Variants in ABL2 observed in about 807,000 individuals in gnomAD.
The protein encoded by ABL2 is ABL proto-oncogene 2, non-receptor tyrosine kinase, also known as tyrosine-protein kinase ABL2.
A neutral mutation model predicts 107.7 loss-of-function variants in ABL2; 49 were observed. The ratio of observed to expected loss-of-function variants is 0.45; its 90% CI spans 0.36 to 0.58. ABL2 has a LOEUF of 0.58. Among genes scored for constraint, ABL2 ranks in the 20% least tolerant of loss-of-function variants. The pLI is 0.00. For missense variants in ABL2, 1,245 were observed against 1,457.0 expected (o/e 0.85, Z 2.37); for synonymous variants, 549 against 548.6 (o/e 1.00, Z -0.01).
At position 179,103,896 on chromosome 1, in the gene ABL2, T is replaced by C. The variant is rs1158419366; in HGVS notation, c.*3822A>G. The C allele has an allele frequency of 4.3e-6, 1 of 232,332 alleles. No homozygotes were observed. The highest frequency in any genetic ancestry group is 8.5e-6 in the Non-Finnish European group (1 of 117,226). The allele number at this position is 232,332 out of a possible 1,614,324, so 14.4% of individuals were successfully genotyped here. A position where few individuals can be genotyped will look rare whatever the true frequency, so the allele number is the denominator to read the frequency against. On this transcript the variant is annotated 3_prime_UTR_variant, in exon 12 of 12. Transcript: ENST00000502732. The stretch of plus-strand genomic sequence containing the variant: ...TAACCATCTTCTGCTAGTTTCTTAA[T>C]CTATAAACCAAAGGGTTGGGGTACT...
chr1:179,157,368 G>C (rs1248373280), intron 1 of ABL2, among the ~76,000 whole-genome samples: 1 of 151,936 alleles, frequency 6.6e-6, no homozygotes, highest in African/African-American at 2.4e-5. Context: ...CCGATGGCGT[G>C]TGCCTATAAT....
intron 1 of ABL2, among the ~76,000 whole-genome samples, chr1:179,226,163 C>T (rs922941491): frequency 2.7e-5 from 4 of 150,732 alleles, no homozygotes; most frequent in East Asian, 3.9e-4. Context: ...TTTGCTAATT[C>T]CTTTCTTTTC....
rs769737776 is a variant in ABL2 at position 179,109,403 on chromosome 1, C to T, written c.1864G>A (p.Ala622Thr). The T allele has an allele frequency of 8.7e-6, 14 of 1,613,784 alleles. No homozygotes were observed. The Admixed American group carries it at 2.2e-4, about 25-fold the overall frequency. The change falls in exon 12 of 12, where the codon GCA becomes ACA. Residue 622 changes from alanine (A) to threonine (T), a missense_variant. This residue lies in a region of ABL2 where 761 missense variants were observed against 766.4 expected (regional missense o/e 0.99). Transcript: ENST00000502732. ...RGAQASSGSP[A>T]LPRKQRDKSP... is the part of the protein sequence containing the mutation. ...TTGTCTCTTTGCTTTCGAGGCAGTG[C>T]TGGGGATCCACTAGAGGCCTGTGCA...
At chr1:179,119,542 AC>A (rs1341464154) in intron 6 of ABL2, among the ~76,000 whole-genome samples, 4 of 119,808 alleles carry the variant, frequency 3.3e-5, no homozygotes, top group Admixed American at 9.1e-5. Context: ...CACCCCCCAC[AC>A]CCCCCCAAAA....
At chr1:179,173,557 G>A (rs1281760615) in intron 1 of ABL2, among the ~76,000 whole-genome samples, 2 of 151,740 alleles carry the variant, frequency 1.3e-5, no homozygotes, top group Non-Finnish European at 2.9e-5. Context: ...TCACCATGTT[G>A]GCCAGGATAG....
chr1:179,133,377 A>T lies in ABL2; in HGVS notation c.158-3T>A. The T allele has an allele frequency of 6.2e-7, 1 of 1,614,122 alleles. No homozygotes were observed. Among genetic ancestry groups the T allele is most frequent in the Non-Finnish European group, 8.5e-7 (1 of 1,180,008 alleles). ...CTCCACACAGCTGGCAAAGTGATCTATTTAAGAAAAAAATTGACCACGTCA... is the reference window on the plus strand; with the variant it reads ...CTCCACACAGCTGGCAAAGTGATCTTTTTAAGAAAAAAATTGACCACGTCA... On this transcript the variant is annotated splice_region_variant and splice_polypyrimidine_tract_variant and intron_variant, in intron 1 of 11. Transcript: ENST00000502732.
chr1:179,138,348 C>T (rs142697278), intron 1 of ABL2, among the ~76,000 whole-genome samples: 2,284 of 152,278 alleles, frequency 0.015, 71 homozygotes, highest in African/African-American at 0.051. Flanking sequence ...ATCCACCTGC[C>T]TTGGCCTCCC....
chr1:179,188,857 T>C (rs1202063364), intron 1 of ABL2, among the ~76,000 whole-genome samples: 2 of 152,200 alleles, frequency 1.3e-5, no homozygotes, highest in African/African-American at 4.8e-5. Context: ...AAATAATAAA[T>C]GTTAAAAGTA....
At chr1:179,164,045 G>C (rs189613867) in intron 1 of ABL2, among the ~76,000 whole-genome samples, 43 of 152,306 alleles carry the variant, frequency 2.8e-4, no homozygotes, top group Admixed American at 1.8e-3. Context: ...GGGATTAAAG[G>C]GGGGGAATAT....
chr1:179,131,527 C>G, intron 2 of ABL2, 46 bp from the exon 3 acceptor site: 1 of 1,583,454 alleles, frequency 6.3e-7, no homozygotes, highest in Non-Finnish European at 8.7e-7. Context: ...AGTTCAACAG[C>G]GAAACATTTG....
Position 179,110,362 on chromosome 1 carries a change from A to G in ABL2, c.1745T>C (p.Leu582Pro), listed in dbSNP as rs1653930038. 2.5e-6 allele frequency: 4 copies of G among 1,614,052 alleles called. No individual in the cohort carries two copies. In the East Asian group the frequency reaches 8.9e-5, roughly 36 times the overall value. The change falls in exon 11 of 12, where the codon CTG becomes CCG. Residue 582 changes from leucine to proline, a missense_variant. Leu to Pro is a moderately conservative substitution (Grantham distance 98). This residue lies in a region of ABL2 where 761 missense variants were observed against 766.4 expected (regional missense o/e 0.99). Transcript: ENST00000502732. ...LPILPSKTRTLKKQVENKENI... is the reference protein window; with the variant it reads ...LPILPSKTRTPKKQVENKENI... ...CTCCTTGTTCTCCACCTGTTTCTTC[A>G]GTGTCCGAGTCTTGGAAGGAAGTAT...
chr1:179,197,986 A>C (rs1034121177), intron 1 of ABL2, among the ~76,000 whole-genome samples: 1 of 151,856 alleles, frequency 6.6e-6, no homozygotes, highest in South Asian at 2.1e-4. Context: ...GAAGCCTGGG[A>C]AACATGGTGA....
intron 1 of ABL2, among the ~76,000 whole-genome samples, chr1:179,148,606 T>A (rs1187963945): frequency 6.6e-6 from 1 of 152,096 alleles, no homozygotes; most frequent in Non-Finnish European, 1.5e-5. Flanking sequence ...ACAACAATAC[T>A]GAAATTAGGC....
At chr1:179,200,606 C>T (rs956029180) in intron 1 of ABL2, among the ~76,000 whole-genome samples, 12 of 152,166 alleles carry the variant, frequency 7.9e-5, no homozygotes, top group African/African-American at 2.7e-4. Context: ...ATGCTACCTA[C>T]CCATTGAAAG....
rs139513356 is a variant in ABL2 at position 179,125,477 on chromosome 1, T to C, written c.687+900A>G. On this transcript the variant is annotated intron_variant, in intron 4 of 11. Transcript: ENST00000502732. ...TATGCACTCATTTCTATTAGGTAAA[T>C]AACTAGAACTGCTAAGTCACTCTTA... 1.4e-3 allele frequency among the ~76,000 whole-genome samples: 213 copies of C among 152,350 alleles called. 1 individual carries two copies. The highest frequency in any genetic ancestry group is 5.0e-3 in the African/African-American group (206 of 41,584).
At chr1:179,194,624 G>A (rs1353110370) in intron 1 of ABL2, among the ~76,000 whole-genome samples, 3 of 151,996 alleles carry the variant, frequency 2.0e-5, no homozygotes, top group Admixed American at 6.6e-5. Flanking sequence ...AGAATACAAG[G>A]GCTCCAGCTA....
chr1:179,109,176 A>C lies in ABL2; in HGVS notation c.2091T>G (p.His697Gln). The change falls in exon 12 of 12, where the codon CAT becomes CAG. Residue 697 changes from histidine to glutamine, a missense_variant. Physicochemically the swap from His to Gln is conservative, Grantham distance 24. Around this residue, in one of 3 missense-constraint regions of ABL2, gnomAD observed 761 missense variants for 766.4 expected, o/e 0.99. Coordinates refer to ENST00000502732, the MANE Select transcript of ABL2 (RefSeq NM_007314.4). ...GNFSSVASLQHADGFSFTPAQ... is the reference protein window; with the variant it reads ...GNFSSVASLQQADGFSFTPAQ... Reference sequence around the variant, plus strand: ...CAGGAGTGAAAGAGAACCCATCAGCATGCTGTAGAGAAGCAACAGATGAGA... The same window carrying C: ...CAGGAGTGAAAGAGAACCCATCAGCCTGCTGTAGAGAAGCAACAGATGAGA... 6.2e-7 allele frequency: 1 copy of C among 1,613,890 alleles called. No individual in the cohort carries two copies. Among genetic ancestry groups the C allele is most frequent in the South Asian group, 1.1e-5 (1 of 91,050 alleles).
intron 1 of ABL2, among the ~76,000 whole-genome samples, chr1:179,150,878 C>T (rs1316901542): frequency 6.6e-6 from 1 of 152,172 alleles, no homozygotes; most frequent in Admixed American, 6.5e-5. Flanking sequence ...CCCAACTTCC[C>T]AACTTCCAGC....
chr1:179,181,170 A>C (rs572625144), intron 1 of ABL2, among the ~76,000 whole-genome samples: 1 of 152,360 alleles, frequency 6.6e-6, no homozygotes, highest in Non-Finnish European at 1.5e-5. Context: ...AGTTTAAACA[A>C]AACTATCATA....
Sources: gnomAD v4.1 joint callset for allele counts (sites outside exome capture counted in the v4.1 genomes callset) on GRCh38, gnomAD v4.1.1 for gene constraint, gnomAD v4.1.1 regional missense constraint, MANE v1.5 for transcripts, NCBI Gene and HGNC (gene_info 2026-07-23, HGNC 2026-07-21) for gene names.